The following ADAMTSL1 variants were observed in gnomAD, a reference collection of about 807,000 sequenced individuals.
ADAMTSL1 encodes ADAMTS-like protein 1.
ADAMTSL1 carries 126 observed loss-of-function variants against 201.8 expected under a neutral mutation model. The ratio of observed to expected loss-of-function variants is 0.62; its 90% CI spans 0.54 to 0.72. The LOEUF is 0.72. ADAMTSL1 is among the 30% of genes least tolerant of loss of function. The pLI is 0.00. For missense variants in ADAMTSL1, 2,679 were observed against 2,277.8 expected (o/e 1.18, Z -3.59); for synonymous variants, 1,121 against 903.4 (o/e 1.24, Z -4.32).
intron 1 of ADAMTSL1, among the ~76,000 whole-genome samples, chr9:17,940,996 T>C (rs890182850): frequency 3.3e-5 from 5 of 151,992 alleles, no homozygotes; most frequent in Non-Finnish European, 7.4e-5. Context: ...TGAACATCTC[T>C]TCTGCAGCTA....
intron 1 of ADAMTSL1, among the ~76,000 whole-genome samples, chr9:17,989,829 T>C (rs945501860): frequency 3.0e-5 from 4 of 134,898 alleles, no homozygotes; most frequent in Non-Finnish European, 3.3e-5. Context: ...TAGCATCTGA[T>C]TTTTTTTTTT....
chr9:17,949,339 T>G (rs1827639155), intron 1 of ADAMTSL1, among the ~76,000 whole-genome samples: 1 of 152,234 alleles, frequency 6.6e-6, no homozygotes, highest in Middle Eastern at 3.4e-3. Flanking sequence ...TATGAAGGGC[T>G]TGCCTTGTAA....
At chr9:17,981,309 G>T (rs769493450) in intron 1 of ADAMTSL1, among the ~76,000 whole-genome samples, 4 of 152,184 alleles carry the variant, frequency 2.6e-5, no homozygotes, top group Admixed American at 2.0e-4. Flanking sequence ...TTCTGCTATT[G>T]CAGACTGAAC....
chr9:18,135,228 T>C (rs1826110483), intron 1 of ADAMTSL1, among the ~76,000 whole-genome samples: 1 of 152,060 alleles, frequency 6.6e-6, no homozygotes, highest in Admixed American at 6.6e-5. Flanking sequence ...AGTTAGGAAA[T>C]AGTCACAATT....
At chr9:18,129,382 A>T (rs940081368) in intron 1 of ADAMTSL1, among the ~76,000 whole-genome samples, 1 of 152,162 alleles carries the variant, frequency 6.6e-6, no homozygotes, top group Non-Finnish European at 1.5e-5. Context: ...CCCAGAGGGG[A>T]GTAATGGTTC....
intron 7 of ADAMTSL1, among the ~76,000 whole-genome samples, chr9:18,647,058 A>T (rs992436789): frequency 3.3e-5 from 5 of 152,056 alleles, no homozygotes; most frequent in Non-Finnish European, 7.4e-5. Context: ...TTATTGCCAC[A>T]ATTTCAGATC....
intron 23 of ADAMTSL1, among the ~76,000 whole-genome samples, chr9:18,851,367 C>G (rs1247706371): frequency 6.6e-6 from 1 of 152,082 alleles, no homozygotes; most frequent in Non-Finnish European, 1.5e-5. Context: ...TTGTAGTGCT[C>G]CCCTGGAAAT....
intron 1 of ADAMTSL1, among the ~76,000 whole-genome samples, chr9:18,144,258 G>A (rs983578311): frequency 1.3e-5 from 2 of 151,772 alleles, no homozygotes; most frequent in Non-Finnish European, 2.9e-5. Context: ...TCAGGCTGGA[G>A]TGCAGTGGCG....
At position 18,067,037 on chromosome 9, in the gene ADAMTSL1, A is replaced by T. The variant is rs141328837; in HGVS notation, c.88-96825A>T. Among the ~76,000 whole-genome samples, 1,090 of 152,240 alleles carry T rather than the reference A, an allele frequency of 7.2e-3. 20 individuals carry two copies. The highest frequency in any genetic ancestry group is 0.025 in the African/African-American group (1,028 of 41,530). The stretch of plus-strand genomic sequence containing the variant: ...AGCATTAGGAGATATACCTAATGCT[A>T]AATGACGAGTTAATGGGTGCATCAC... On this transcript the variant is annotated intron_variant, in intron 1 of 29. Transcript: ENST00000680146.
intron 2 of ADAMTSL1, among the ~76,000 whole-genome samples, chr9:18,273,941 A>G (rs1415966938): frequency 6.6e-6 from 1 of 152,210 alleles, no homozygotes; most frequent in Non-Finnish European, 1.5e-5. Flanking sequence ...AATTCTGGAA[A>G]TTCTCAGGTA....
chr9:18,562,088 C>T (rs1320652806), intron 3 of ADAMTSL1, among the ~76,000 whole-genome samples: 6 of 152,062 alleles, frequency 3.9e-5, no homozygotes, highest in Non-Finnish European at 7.4e-5. Flanking sequence ...TTATTTTGCC[C>T]ATTAGTTGAT....
At chr9:18,882,643 A>C (rs1828604156) in intron 23 of ADAMTSL1, among the ~76,000 whole-genome samples, 1 of 152,060 alleles carries the variant, frequency 6.6e-6, no homozygotes, top group Non-Finnish European at 1.5e-5. Flanking sequence ...TGGCATGTAG[A>C]TGCCTAGATG....
chr9:18,476,354 G>C (rs1821451075), intron 1 of ADAMTSL1, among the ~76,000 whole-genome samples: 1 of 152,100 alleles, frequency 6.6e-6, no homozygotes, highest in Non-Finnish European at 1.5e-5. Context: ...GGAGAGAATA[G>C]AACATGTTTG....
chr9:18,455,876 C>A (rs1178330944), intron 2 of ADAMTSL1, among the ~76,000 whole-genome samples: 1 of 152,008 alleles, frequency 6.6e-6, no homozygotes, highest in Non-Finnish European at 1.5e-5. Context: ...TAATAGCCCC[C>A]ATTTTACAGT....
chr9:18,047,056 A>T (rs1821690270), intron 1 of ADAMTSL1, among the ~76,000 whole-genome samples: 2 of 152,146 alleles, frequency 1.3e-5, no homozygotes, highest in African/African-American at 4.8e-5. Flanking sequence ...TACATAGGAT[A>T]ATGGGGCCTT....
At chr9:18,612,527 G>A (rs1429736037) in intron 4 of ADAMTSL1, among the ~76,000 whole-genome samples, 1 of 151,998 alleles carries the variant, frequency 6.6e-6, no homozygotes, top group South Asian at 2.1e-4. Flanking sequence ...ATTGAAATAC[G>A]CTTAATAAAT....
intron 16 of ADAMTSL1, among the ~76,000 whole-genome samples, chr9:18,764,930 A>T (rs1820276648): frequency 1.3e-5 from 2 of 152,226 alleles, no homozygotes. Flanking sequence ...GCAAACTGAT[A>T]ACCCAGTTGT....
chr9:18,321,769 G>A (rs377669074), intron 2 of ADAMTSL1, among the ~76,000 whole-genome samples: 1 of 152,078 alleles, frequency 6.6e-6, no homozygotes. Flanking sequence ...CTCCAGTCTG[G>A]GCAACAGAGC....
intron 1 of ADAMTSL1, among the ~76,000 whole-genome samples, chr9:17,960,676 A>G (rs1464448852): frequency 2.6e-4 from 40 of 152,230 alleles, no homozygotes. Flanking sequence ...CCAGTGGGCA[A>G]GAAAGATGTT....
Sources: allele counts gnomAD v4.1 joint callset (sites outside exome capture counted in the v4.1 genomes callset), GRCh38; gene constraint gnomAD v4.1.1; transcripts MANE v1.5; gene names NCBI Gene and HGNC (gene_info 2026-07-23, HGNC 2026-07-21).